The following SPC25 variants were observed in gnomAD, a reference collection of about 807,000 sequenced individuals.
SPC25 encodes the protein SPC25 component of NDC80 kinetochore complex.
In SPC25, 22 loss-of-function variants were observed where a neutral mutation model predicts 29.6. The observed-to-expected ratio is 0.74, with a 90% CI of 0.53 to 1.06. The LOEUF is 1.06. Among genes scored for constraint, SPC25 ranks in the 50% least tolerant of loss-of-function variants. The pLI, the probability that SPC25 is intolerant of heterozygous loss-of-function variation, is 0.00. For synonymous variants in SPC25, 91 were observed against 90.4 expected (o/e 1.01, Z -0.04); for missense variants, 230 against 255.8 (o/e 0.90, Z 0.69).
At chr2:168,889,627 T>C in intron 1 of SPC25, 94 bp from the exon 2 acceptor site, 2 of 1,333,336 alleles carry the variant, frequency 1.5e-6, no homozygotes, top group Non-Finnish European at 2.0e-6. Context: ...CAATTTGTCC[T>C]TTGCTAGAAA....
intron 5 of SPC25, among the ~76,000 whole-genome samples, chr2:168,875,832 A>G (rs1690074866): frequency 6.6e-6 from 1 of 152,208 alleles, no homozygotes; most frequent in Non-Finnish European, 1.5e-5. Context: ...GATAGGAAGA[A>G]CAAAAATTAT....
intron 4 of SPC25, among the ~76,000 whole-genome samples, chr2:168,864,245 G>A (rs573488730): frequency 4.0e-5 from 6 of 151,550 alleles, no homozygotes; most frequent in African/African-American, 1.5e-4. Context: ...CCAACGTGCT[G>A]GGATTACAGC....
chr2:168,889,023 ACATATATATACATATATATATAC>A, intron 3 of SPC25, among the ~76,000 whole-genome samples, 180 bp downstream of exon 3: 1 of 54,592 alleles, frequency 1.8e-5, no homozygotes, highest in Non-Finnish European at 3.6e-5. Flanking sequence ...ATATATATAC[ACATATATATACATATATATATAC>A]ACATATATAT....
At chr2:168,881,732 A>G (rs923171229) in intron 3 of SPC25, among the ~76,000 whole-genome samples, 1 of 152,254 alleles carries the variant, frequency 6.6e-6, no homozygotes, top group African/African-American at 2.4e-5. Flanking sequence ...CTATACTGTC[A>G]TTTAATTCCA....
Position 168,863,503 on chromosome 2 carries a change from T to TTTTATGACAAGAGCCATGTTTC in SPC25, n.419+10060_419+10081dup, listed in dbSNP as rs1304559987. The TTTTATGACAAGAGCCATGTTTC allele has an allele frequency of 1.4e-5, 14 of 985,266 alleles. No individual in the cohort carries two copies. The South Asian group carries it at 6.1e-4, about 43-fold the overall frequency. The allele number at this position is 985,266 out of a possible 1,614,324, so 61.0% of individuals were successfully genotyped here. Reference sequence around the variant, plus strand: ...TCCTGAAGGGGGCAGATCTTTCTACTTTTATGACAAGAGCCATGTTTCTTG... The same window carrying TTTTATGACAAGAGCCATGTTTC: ...TCCTGAAGGGGGCAGATCTTTCTACTTTTATGACAAGAGCCATGTTTCTTTATGACAAGAGCCATGTTTCTTG... On this transcript the variant is annotated intron_variant and non_coding_transcript_variant, in intron 4 of 4. Transcript: ENST00000479309.
chr2:168,862,939 C>A (rs1689559914), intron 4 of SPC25, among the ~76,000 whole-genome samples: 1 of 152,228 alleles, frequency 6.6e-6, no homozygotes, highest in East Asian at 1.9e-4. Flanking sequence ...ACAGGGACAC[C>A]ACACATTTGC....
chr2:168,887,900 A>G (rs868189237), intron 3 of SPC25, among the ~76,000 whole-genome samples: 2 of 152,228 alleles, frequency 1.3e-5, no homozygotes, highest in Middle Eastern at 3.2e-3. Flanking sequence ...ATACCTTAAC[A>G]CTGACAAATC....
At chr2:168,869,069 C>T (rs201144890), downstream of SPC25, among the ~76,000 whole-genome samples, 4 of 152,126 alleles carry the variant, frequency 2.6e-5, no homozygotes, top group East Asian at 1.9e-4. Context: ...AATCAATAAA[C>T]GTAATCCAGC....
intron 3 of SPC25, among the ~76,000 whole-genome samples, chr2:168,884,441 A>G (rs935139741): frequency 2.3e-4 from 35 of 152,322 alleles, no homozygotes; most frequent in African/African-American, 8.4e-4. Flanking sequence ...ACTTTAGGCT[A>G]TTTTGTTCTC....
chr2:168,864,830 A>T (rs954316693), intron 4 of SPC25: 6 of 1,613,728 alleles, frequency 3.7e-6, no homozygotes, highest in Non-Finnish European at 5.1e-6. Context: ...CTGTATTTTC[A>T]CAGGTGACAT....
chr2:168,867,380 T>C (rs1047761155), downstream of SPC25, among the ~76,000 whole-genome samples: 1 of 152,090 alleles, frequency 6.6e-6, no homozygotes, highest in Non-Finnish European at 1.5e-5. Context: ...AATTCACACA[T>C]GACAATATTA....
intron 3 of SPC25, among the ~76,000 whole-genome samples, chr2:168,878,511 G>A (rs1325433683): frequency 6.6e-6 from 1 of 152,170 alleles, no homozygotes; most frequent in Non-Finnish European, 1.5e-5. Flanking sequence ...ATGCCAGTTA[G>A]CACTGTTATT....
Position 168,871,444 on chromosome 2 carries a change from G to A in SPC25, c.662C>T (p.Thr221Met), listed in dbSNP as rs757972360. The change falls in exon 7 of 7, where the codon ACG becomes ATG. Residue 221 changes from threonine to methionine, a missense_variant. Physicochemically the swap from Thr to Met is moderately conservative, Grantham distance 81. Transcript: ENST00000282074. ...LANVRKAFTATVYN is the reference protein window; with the variant it reads ...LANVRKAFTAMVYN ...ACTATTTGTATGTTAATTATAAACC[G>A]TGGCAGTAAAAGCTTTCCGAACATT... The A allele has an allele frequency of 2.1e-5, 34 of 1,605,232 alleles. No individual in the cohort carries two copies. Among genetic ancestry groups the A allele is most frequent in the African/African-American group, 4.0e-5 (3 of 74,254 alleles).
rs567482262 is a variant in SPC25, at chr2:168,885,915, G to C, written c.199+3311C>G. Among the ~76,000 whole-genome samples the C allele has an allele frequency of 2.6e-5, 4 of 152,226 alleles. No homozygotes were observed. The South Asian group carries it at 8.3e-4, about 32-fold the overall frequency. On this transcript the variant is annotated intron_variant, in intron 3 of 6. Coordinates refer to ENST00000282074, the MANE Select transcript of SPC25 (RefSeq NM_020675.4). ...TGAGTCAATATATGCAAAGAGCTTAGAACAGGGCTTAGCACATGGTATACA... is the reference window on the plus strand; with the variant it reads ...TGAGTCAATATATGCAAAGAGCTTACAACAGGGCTTAGCACATGGTATACA...
At chr2:168,874,407 C>T (rs1690050268) in intron 5 of SPC25, among the ~76,000 whole-genome samples, 1 of 152,128 alleles carries the variant, frequency 6.6e-6, no homozygotes, top group Non-Finnish European at 1.5e-5. Context: ...AAAACGGAGA[C>T]TCAAGTAGAT....
At chr2:168,863,605 A>C in intron 4 of SPC25, 1 of 985,310 alleles carries the variant, frequency 1.0e-6, no homozygotes. Flanking sequence ...GTTGTATTAA[A>C]GTTGTCTAAG....
chr2:168,869,593 A>C (rs1689939692), downstream of SPC25, among the ~76,000 whole-genome samples: 1 of 152,196 alleles, frequency 6.6e-6, no homozygotes, highest in Non-Finnish European at 1.5e-5. Flanking sequence ...ATCATGAGTG[A>C]ACTCCCATTC....
downstream of SPC25, among the ~76,000 whole-genome samples, chr2:168,866,636 TTAAAC>T (rs1220012335): frequency 6.6e-6 from 1 of 152,080 alleles, no homozygotes; most frequent in African/African-American, 2.4e-5. Flanking sequence ...TGGGATCTAA[TTAAAC>T]TAAAGAGCTT....
intron 4 of SPC25, among the ~76,000 whole-genome samples, chr2:168,862,768 T>G (rs1407608781): frequency 6.6e-6 from 1 of 152,206 alleles, no homozygotes; most frequent in East Asian, 1.9e-4. Context: ...TCTTTATGTG[T>G]CCAGTTAGAA....
Sources: gnomAD v4.1 joint callset for allele counts (sites outside exome capture counted in the v4.1 genomes callset) on GRCh38, gnomAD v4.1.1 for gene constraint, MANE v1.5 for transcripts, NCBI Gene and HGNC (gene_info 2026-07-23, HGNC 2026-07-21) for gene names.